Variants in ZIM2 observed in about 807,000 individuals in gnomAD.
ZIM2 encodes zinc finger protein 656.
In ZIM2, 14 loss-of-function variants were observed where a neutral mutation model predicts 38.6. The ratio of observed to expected loss-of-function variants is 0.36; its 90% confidence interval spans 0.24 to 0.57. The LOEUF (loss-of-function observed/expected upper bound fraction) is 0.57, where lower values mean the gene tolerates loss of function less well. ZIM2 is among the 20% of genes least tolerant of loss of function. ZIM2 has a pLI of 0.81. For synonymous variants in ZIM2, 247 were observed against 245.8 expected, an observed-to-expected ratio of 1.00 and a Z score of -0.04; for missense variants, 680 against 695.1, an observed-to-expected ratio of 0.98 and a Z score of 0.24.
In ZIM2 at chr19:56,821,652, T is replaced by TGAG; in HGVS notation, c.290_292dup (p.Ser97_Gln98insPro). 6.2e-7 allele frequency: 1 copy of TGAG among 1,613,672 alleles called. No individual in the cohort carries two copies. The highest frequency in any genetic ancestry group is 1.1e-5 in the South Asian group (1 of 91,050). ...GAAAGAGAGGAAACCTGAGCATACC[T>TGAG]GAGATCGGGACTCATAAGCCCTGGA... is the stretch of plus-strand genomic sequence containing the variant. On this transcript the variant is annotated inframe_insertion and splice_region_variant, in exon 7 of 13. Coordinates refer to ENST00000629319, the MANE Select transcript of ZIM2 (RefSeq NM_001387356.1).
chr19:56,817,973 A>G (rs2060133542), intron 8 of ZIM2, 135 bp from the exon 9 acceptor site: 1 of 664,500 alleles, frequency 1.5e-6, no homozygotes, highest in East Asian at 2.7e-5. Context: ...GTCAGAAGAC[A>G]TTTGCTGTCT....
At position 56,814,247 on chromosome 19, in the gene ZIM2, C is replaced by G. The variant is rs762643937; in HGVS notation, c.490+3499G>C. ...TCCACTTCTGGCTCGGCAGCCTCCA[C>G]TTCTGGCTCAGCAGCCTCTACGTTT... On this transcript the variant is annotated intron_variant, in intron 9 of 12. Coordinates refer to ENST00000629319, the MANE Select transcript of ZIM2 (RefSeq NM_001387356.1). The surrounding 1 kb of genome is among the most constrained non-coding windows in gnomAD (Gnocchi z 5.8). 1.2e-6 allele frequency: 2 copies of G among 1,613,418 alleles called. No individual in the cohort carries two copies. The highest frequency in any genetic ancestry group is 8.5e-7 in the Non-Finnish European group (1 of 1,179,930).
intron 9 of ZIM2, chr19:56,811,704 T>G: frequency 2.0e-6 from 2 of 985,538 alleles, no homozygotes; most frequent in Non-Finnish European, 2.4e-6. Context: ...TAAACCTCAC[T>G]GCCCCTCAGC....
chr19:56,811,769 C>T (rs1290762360), intron 9 of ZIM2: 4 of 985,438 alleles, frequency 4.1e-6, no homozygotes, highest in Non-Finnish European at 4.8e-6. Flanking sequence ...CCCTCACCTA[C>T]ACCATACCAT....
chr19:56,816,938 C>A, intron 9 of ZIM2: 1 of 1,614,180 alleles, frequency 6.2e-7, no homozygotes, highest in African/African-American at 1.3e-5. Flanking sequence ...AAACGTTTCC[C>A]TCCAACCTGA....
In ZIM2 at chr19:56,774,991, A is replaced by G. The variant is rs2045927025; in HGVS notation, c.1374T>C (p.Leu458=). 6.2e-7 allele frequency: 1 copy of G among 1,614,190 alleles called. No individual in the cohort carries two copies. Among genetic ancestry groups the G allele is most frequent in the Non-Finnish European group, 8.5e-7 (1 of 1,180,036 alleles). The change falls in exon 13 of 13, where the codon CTT becomes CTC. Residue 458 remains leucine, a synonymous_variant. Transcript: ENST00000629319. ...CGKAFLQNVH[L]LQHLKAHEAA... is the part of the protein sequence containing the mutation. ...CCTCATGGGCTTTGAGATGTTGAAGAAGATGCACATTCTGGAGAAAAGCTT... is the reference window on the plus strand; with the variant it reads ...CCTCATGGGCTTTGAGATGTTGAAGGAGATGCACATTCTGGAGAAAAGCTT...
chr19:56,787,255 G>A (rs2046657132), intron 10 of ZIM2, among the ~76,000 whole-genome samples: 1 of 151,956 alleles, frequency 6.6e-6, no homozygotes, highest in South Asian at 2.1e-4. Flanking sequence ...ATTTTGTTAT[G>A]TGTCTATTAA....
intron 3 of ZIM2, among the ~76,000 whole-genome samples, chr19:56,825,516 A>G (rs1420867760): frequency 6.6e-6 from 1 of 151,868 alleles, no homozygotes; most frequent in Non-Finnish European, 1.5e-5. Flanking sequence ...GCCCCCTTCC[A>G]TTTTTTAAAC....
rs1056767248 is a variant in ZIM2 at position 56,824,861 on chromosome 19, C to A, written c.-150-434G>T. The A allele has an allele frequency of 5.5e-6, 3 of 549,910 alleles. No homozygotes were observed. The African/African-American group carries it at 5.6e-5, about 10-fold the overall frequency. 34.1% of individuals were successfully genotyped at this position (549,910 alleles called of 1,614,324 possible). ...GATATGGGAGTCCCCAGTAAATAGG[C>A]AAACAACCGCACAAAGTTGGCCTCA... On this transcript the variant is annotated intron_variant, in intron 3 of 12. Coordinates refer to ENST00000629319, the MANE Select transcript of ZIM2 (RefSeq NM_001387356.1).
intron 4 of ZIM2, 117 bp from the exon 5 acceptor site, chr19:56,823,796 C>A (rs1313922041): frequency 8.1e-7 from 1 of 1,232,352 alleles, no homozygotes; most frequent in Non-Finnish European, 1.2e-6. Flanking sequence ...ATGACCTGAT[C>A]CTGACATTTC....
At chr19:56,826,217 C>G (rs2061014704) in intron 3 of ZIM2, among the ~76,000 whole-genome samples, 171 bp downstream of exon 3, 1 of 152,200 alleles carries the variant, frequency 6.6e-6, no homozygotes, top group South Asian at 2.1e-4. Context: ...GACATGGTCA[C>G]TCTAACCCAG....
At chr19:56,785,849 C>G (rs2046570822) in intron 10 of ZIM2, among the ~76,000 whole-genome samples, 1 of 152,106 alleles carries the variant, frequency 6.6e-6, no homozygotes, top group Non-Finnish European at 1.5e-5. Flanking sequence ...TGCTGTATGT[C>G]TATTTTTTTA....
At chr19:56,829,584 A>C (rs2061387380) in intron 2 of ZIM2, among the ~76,000 whole-genome samples, 1 of 152,206 alleles carries the variant, frequency 6.6e-6, no homozygotes, top group South Asian at 2.1e-4. Flanking sequence ...CAAAGGCAGG[A>C]AGAGGAAGTG....
chr19:56,836,969 C>CAAAAAA (rs573566620), intron 1 of ZIM2, among the ~76,000 whole-genome samples: 13 of 116,980 alleles, frequency 1.1e-4, no homozygotes, highest in East Asian at 5.8e-4. Flanking sequence ...GACTCTGTCT[C>CAAAAAA]AAAAAAAAAA....
chr19:56,830,166 T>C (rs2061443497), intron 2 of ZIM2, among the ~76,000 whole-genome samples: 1 of 152,242 alleles, frequency 6.6e-6, no homozygotes, highest in Non-Finnish European at 1.5e-5. Context: ...AAAGACTCTG[T>C]TACCTTTTTC....
intron 9 of ZIM2, among the ~76,000 whole-genome samples, chr19:56,805,187 T>C (rs567603363): frequency 2.0e-5 from 3 of 152,306 alleles, no homozygotes; most frequent in South Asian, 4.1e-4. Context: ...ACCTATGAGA[T>C]GCTGGTAGCA....
intron 1 of ZIM2, among the ~76,000 whole-genome samples, chr19:56,838,878 T>A (rs1018500424): frequency 2.0e-5 from 3 of 152,036 alleles, no homozygotes; most frequent in African/African-American, 7.2e-5. Flanking sequence ...CCCACACCTA[T>A]GCGGCAAACC....
intron 9 of ZIM2, among the ~76,000 whole-genome samples, chr19:56,802,720 A>C (rs1049043711): frequency 5.3e-5 from 8 of 152,290 alleles, no homozygotes; most frequent in Admixed American, 4.6e-4. Flanking sequence ...ACAGGCAGGA[A>C]ACAGCAACTG....
At position 56,775,436 on chromosome 19, in the gene ZIM2, G is replaced by A. The variant is rs149106731; in HGVS notation, c.929C>T (p.Pro310Leu). 72 of 1,613,866 alleles carry A rather than the reference G, an allele frequency of 4.5e-5. No individual in the cohort carries two copies. Among genetic ancestry groups the A allele is most frequent in the Middle Eastern group, 3.3e-4 (2 of 6,084 alleles). Reference sequence around the variant, plus strand: ...TTCATCACTGCCATAGCTTCTTTCCGGAGTGAGGGTCTTGGGGTCATTCAT... The same window carrying A: ...TTCATCACTGCCATAGCTTCTTTCCAGAGTGAGGGTCTTGGGGTCATTCAT... ...ITMNDPKTLT[P>L]ERSYGSDEFE... is the part of the protein sequence containing the mutation. Residue 310 changes from proline to leucine, a missense_variant, in exon 13 of 13, where the codon CCG (proline) becomes CTG (leucine). By Grantham distance (98) the Pro-to-Leu change is moderately conservative. Coordinates refer to ENST00000629319, the MANE Select transcript of ZIM2 (RefSeq NM_001387356.1).
Sources: allele counts gnomAD v4.1 joint callset (sites outside exome capture counted in the v4.1 genomes callset), GRCh38; gene constraint gnomAD v4.1.1; non-coding constraint Gnocchi (gnomAD v3.1); transcripts MANE v1.5; gene names NCBI Gene and HGNC (gene_info 2026-07-23, HGNC 2026-07-21).